Variants in APOB observed in about 807,000 individuals in gnomAD.
The protein encoded by APOB is apolipoprotein B, also known as apolipoprotein B-100.
In APOB, 153 loss-of-function variants were observed where a neutral mutation model predicts 314.1. The observed-to-expected ratio is 0.49, with a 90% confidence interval of 0.43 to 0.56. The LOEUF (loss-of-function observed/expected upper bound fraction) is 0.56. Among genes scored for constraint, APOB ranks in the 20% least tolerant of loss-of-function variants. APOB has a pLI of 0.00. For synonymous variants in APOB, 2,087 were observed against 2,036.4 expected, an observed-to-expected ratio of 1.02 and a Z score of -0.67; for missense variants, 5,430 against 5,350.7, an observed-to-expected ratio of 1.01 and a Z score of -0.46.
intron 8 of APOB, among the ~76,000 whole-genome samples, chr2:21,034,211 C>T (rs910261175): frequency 1.4e-4 from 22 of 152,046 alleles, no homozygotes; most frequent in African/African-American, 4.3e-4. Flanking sequence ...CACTTATTTT[C>T]CCCCCTCTAA....
chr2:21,034,381 AAATAC>A (rs1663952218), intron 8 of APOB, among the ~76,000 whole-genome samples: 1 of 152,210 alleles, frequency 6.6e-6, no homozygotes, highest in African/African-American at 2.4e-5. Flanking sequence ...GGACAGATAT[AAATAC>A]AATACAATAC....
intron 5 of APOB, 138 bp downstream of exon 5, chr2:21,037,820 T>C: frequency 9.0e-7 from 1 of 1,106,654 alleles, no homozygotes; most frequent in African/African-American, 1.5e-5. Flanking sequence ...GGCACCAGTA[T>C]TTCACGCCAA....
chr2:21,009,109 C>T lies in APOB; in HGVS notation c.7759G>A (p.Val2587Ile). The change falls in exon 26 of 29, where the codon GTT becomes ATT. Residue 2587 changes from valine to isoleucine, a missense_variant. Val to Ile is a conservative substitution (Grantham distance 29). Transcript: ENST00000233242. ...CCAAGGATGGTCTTGATTTCAGGAA[C>T]AGTGAACCCTTGCTCTACCAATGCT... Reference protein sequence around the residue: ...MKALVEQGFTVPEIKTILGTM... With the variant: ...MKALVEQGFTIPEIKTILGTM... 1 of 1,614,074 alleles carries T rather than the reference C, an allele frequency of 6.2e-7. No individual in the cohort carries two copies. Among genetic ancestry groups the T allele is most frequent in the Non-Finnish European group, 8.5e-7 (1 of 1,179,952 alleles).
intron 26 of APOB, 91 bp from the exon 27 acceptor site, chr2:21,004,766 C>T: frequency 1.0e-6 from 1 of 991,294 alleles, no homozygotes; most frequent in South Asian, 1.3e-5. Context: ...CTATCCTAAC[C>T]AGATATTTCA....
At chr2:21,034,209 T>A (rs1220588490) in intron 8 of APOB, among the ~76,000 whole-genome samples, 1 of 152,210 alleles carries the variant, frequency 6.6e-6, no homozygotes. Context: ...GGCACTTATT[T>A]TCCCCCCTCT....
At chr2:21,014,305 A>T in intron 24 of APOB, 143 bp downstream of exon 24, 1 of 921,880 alleles carries the variant, frequency 1.1e-6, no homozygotes, top group Non-Finnish European at 1.6e-6. Context: ...AAGATGCCAC[A>T]GTGTTTGTGC....
chr2:21,019,080 A>C lies in APOB; in HGVS notation c.3033T>G (p.Ile1011Met). ...LELELRPTGE[I>M]EQYSVSATYE... ...AGGTTGCGCTGACAGAATACTGCTC[A>C]ATCTCTCCTGTAGGCCTCAGTTCCA... Residue 1011 changes from isoleucine (I) to methionine (M), a missense_variant, in exon 20 of 29, where the codon ATT becomes ATG. This residue lies in a region of APOB where 2,085 missense variants were observed against 2,079.7 expected (regional missense o/e 1.00). Transcript: ENST00000233242. 6.2e-7 allele frequency: 1 copy of C among 1,614,054 alleles called. No individual in the cohort carries two copies. Among genetic ancestry groups the C allele is most frequent in the Non-Finnish European group, 8.5e-7 (1 of 1,179,998 alleles).
At position 21,027,929 on chromosome 2, in the gene APOB, C is replaced by T. The variant is rs772171897; in HGVS notation, c.1966G>A (p.Glu656Lys). 4 of 1,613,942 alleles carry T rather than the reference C, an allele frequency of 2.5e-6. No homozygotes were observed. The highest frequency in any genetic ancestry group is 3.4e-6 in the Non-Finnish European group (4 of 1,179,818). The change falls in exon 14 of 29, where the codon GAA becomes AAA. Residue 656 changes from glutamate (E) to lysine (K), a missense_variant. Transcript: ENST00000233242. ...PSLDPASAKI[E>K]GNLIFDPNNY... Reference sequence around the variant, plus strand: ...TTTGGATCAAATATAAGATTCCCTTCTATTTTGGCTGAGGCTGGGTCAAGT... The same window carrying T: ...TTTGGATCAAATATAAGATTCCCTTTTATTTTGGCTGAGGCTGGGTCAAGT...
rs762028704 is a variant in APOB, at chr2:21,006,129, T to C, written c.10739A>G (p.Asn3580Ser). 37 of 1,613,828 alleles carry C rather than the reference T, an allele frequency of 2.3e-5. No individual in the cohort carries two copies. Among genetic ancestry groups the C allele is most frequent in the Non-Finnish European group, 3.1e-5 (36 of 1,179,954 alleles). Reference protein sequence around the residue: ...HLQLEGLFFTNGEHTSKATLE... With the variant: ...HLQLEGLFFTSGEHTSKATLE... Reference sequence around the variant, plus strand: ...GGTGGCTTTGCTTGTATGTTCTCCGTTGGTGAAAAAGAGGCCCTCTAGCTG... The same window carrying C: ...GGTGGCTTTGCTTGTATGTTCTCCGCTGGTGAAAAAGAGGCCCTCTAGCTG... Residue 3580 changes from asparagine (N) to serine (S), a missense_variant, in exon 26 of 29, where the codon AAC becomes AGC. This residue lies in a region of APOB where 3,281 missense variants were observed against 3,171.0 expected (regional missense o/e 1.03). Transcript: ENST00000233242.
rs755429390 is a variant in APOB, at chr2:21,002,766, A to G, written c.12656T>C (p.Met4219Thr). ...GIYTREELCT[M>T]FIREVGTVLS... ...TACCGTCCCTACCTCCCTTATGAAC[A>G]TAGTGCAAAGTTCCTCCCTAGTGTA... is the stretch of plus-strand genomic sequence containing the variant. Residue 4219 changes from methionine (M) to threonine (T), a missense_variant, in exon 29 of 29, where the codon ATG (methionine) becomes ACG (threonine). By Grantham distance (81) the Met-to-Thr change is moderately conservative. Around this residue, in one of 3 missense-constraint regions of APOB, gnomAD observed 3,281 missense variants for 3,171.0 expected, o/e 1.03. Transcript: ENST00000233242. The G allele has an allele frequency of 6.2e-7, 1 of 1,608,610 alleles. No homozygotes were observed. Among genetic ancestry groups the G allele is most frequent in the Non-Finnish European group, 8.5e-7 (1 of 1,176,598 alleles).
rs1572782503 is a variant in APOB, at chr2:21,009,722, T to C, written c.7146A>G (p.Gln2382=). The C allele has an allele frequency of 6.2e-7, 1 of 1,613,854 alleles. No homozygotes were observed. The highest frequency in any genetic ancestry group is 1.1e-5 in the South Asian group (1 of 91,042). The change falls in exon 26 of 29, where the codon CAA becomes CAG. Residue 2382 remains glutamine, a synonymous_variant. Coordinates refer to ENST00000233242, the MANE Select transcript of APOB (RefSeq NM_000384.3). ...ETIQKLSNVL[Q]QVKIKDYFEK... The stretch of plus-strand genomic sequence containing the variant: ...CAAAGTAATCTTTTATCTTAACTTG[T>C]TGTAGGACATTGCTTAGCTTCTGAA...
At position 21,004,369 on chromosome 2, in the gene APOB, C is replaced by A. The variant is rs188592517; in HGVS notation, c.11987G>T (p.Gly3996Val). Reference sequence around the variant, plus strand: ...TGGGGAGGCTGCTGAGGTGGAGATGCCTTTCTTGTCTTTCTGGTAGCGCAG... The same window carrying A: ...TGGGGAGGCTGCTGAGGTGGAGATGACTTTCTTGTCTTTCTGGTAGCGCAG... Reference protein sequence around the residue: ...LHLRYQKDKKGISTSAASPAV... With the variant: ...LHLRYQKDKKVISTSAASPAV... Residue 3996 changes from glycine (G) to valine (V), a missense_variant, in exon 28 of 29, where the codon GGC becomes GTC. Gly to Val is a moderately radical substitution (Grantham distance 109). Transcript: ENST00000233242. The A allele has an allele frequency of 2.0e-5, 33 of 1,613,924 alleles. No individual in the cohort carries two copies. The South Asian group carries it at 3.2e-4, about 16-fold the overall frequency.
At chr2:21,037,076 C>T (rs763476869) in intron 6 of APOB, 24 bp downstream of exon 6, 54 of 1,613,918 alleles carry the variant, frequency 3.3e-5, no homozygotes, top group South Asian at 7.7e-5. Context: ...TTGCTGTGCA[C>T]GACAGTGCTG....
chr2:21,013,022 GAATAA>G (rs1420668722), intron 25 of APOB, 133 bp downstream of exon 25: 4 of 1,020,348 alleles, frequency 3.9e-6, no homozygotes, highest in Non-Finnish European at 5.9e-6. Context: ...TCTATTTGTT[GAATAA>G]AATAAAAGAC....
chr2:21,022,947 C>T lies in APOB; in HGVS notation c.2700G>A (p.Gln900=), dbSNP rs1360254691. The T allele has an allele frequency of 1.9e-6, 3 of 1,614,100 alleles. No individual in the cohort carries two copies. The African/African-American group carries it at 4.0e-5, about 22-fold the overall frequency. The part of the protein sequence containing the change: ...IIPDFARSGV[Q]MNTNFFHESG... ...ACTCGTGGAAGAAGTTGGTGTTCATCTGGACCCCACTCCTAGCGAAGTCCG... is the reference window on the plus strand; with the variant it reads ...ACTCGTGGAAGAAGTTGGTGTTCATTTGGACCCCACTCCTAGCGAAGTCCG... Residue 900 remains glutamine (Q), a synonymous_variant, in exon 18 of 29, where the codon CAG becomes CAA. Coordinates refer to ENST00000233242, the MANE Select transcript of APOB (RefSeq NM_000384.3).
intron 15 of APOB, among the ~76,000 whole-genome samples, chr2:21,025,463 T>C (rs1211121500): frequency 1.3e-5 from 2 of 152,176 alleles, no homozygotes; most frequent in African/African-American, 4.8e-5. Flanking sequence ...TGCTTAGCCT[T>C]CTCTTCTTTG....
At position 21,029,192 on chromosome 2, in the gene APOB, G is replaced by A. The variant is rs1277854750; in HGVS notation, c.1617+447C>T. Among the ~76,000 whole-genome samples, 5 of 152,242 alleles carry A rather than the reference G, an allele frequency of 3.3e-5. No individual in the cohort carries two copies. In the East Asian group the frequency reaches 7.7e-4, roughly 23 times the overall value. On this transcript the variant is annotated intron_variant, in intron 12 of 28. Transcript: ENST00000233242. ...AGGCCAGGTGCAGTGGCTCACGCCTGTAATCCCAGCACTTTGCAAGGCTGA... is the reference window on the plus strand; with the variant it reads ...AGGCCAGGTGCAGTGGCTCACGCCTATAATCCCAGCACTTTGCAAGGCTGA...
intron 4 of APOB, among the ~76,000 whole-genome samples, chr2:21,038,437 A>G (rs938715381): frequency 1.3e-5 from 2 of 152,076 alleles, no homozygotes; most frequent in African/African-American, 4.8e-5. Context: ...CCTGGGATCA[A>G]GTGATTCTCC....
chr2:21,024,465 A>G (rs1301855537), intron 16 of APOB: 1 of 216,148 alleles, frequency 4.6e-6, no homozygotes, highest in Non-Finnish European at 9.2e-6. Flanking sequence ...CTAAAGATAC[A>G]CAAATTAGCC....
Sources: gnomAD v4.1 joint callset for allele counts (sites outside exome capture counted in the v4.1 genomes callset) on GRCh38, gnomAD v4.1.1 for gene constraint, gnomAD v4.1.1 regional missense constraint, MANE v1.5 for transcripts, NCBI Gene and HGNC (gene_info 2026-07-23, HGNC 2026-07-21) for gene names.